SYNE1: variants seen among roughly 807,000 people sequenced by gnomAD.
SYNE1 encodes spectrin repeat containing nuclear envelope protein 1.
Under a neutral mutation model 1,111.0 loss-of-function variants are expected in SYNE1, and 616 were observed. The ratio of observed to expected loss-of-function variants is 0.55; its 90% confidence interval spans 0.52 to 0.59. The LOEUF (loss-of-function observed/expected upper bound fraction) is 0.59. SYNE1 is among the 20% of genes least tolerant of loss of function. SYNE1 has a pLI of 0.00. For missense variants in SYNE1, 10,006 were observed against 10,417.0 expected (o/e 0.96, Z 1.72); for synonymous variants, 3,855 against 3,825.8 (o/e 1.01, Z -0.28).
chr6:152,328,559 C>A (rs1298616733), intron 78 of SYNE1, among the ~76,000 whole-genome samples: 1 of 150,424 alleles, frequency 6.6e-6, no homozygotes, highest in Non-Finnish European at 1.5e-5. Context: ...GTATGCACCA[C>A]CAAACCCAGC....
intron 97 of SYNE1, among the ~76,000 whole-genome samples, chr6:152,279,579 G>A (rs967093880): frequency 4.0e-5 from 6 of 151,832 alleles, no homozygotes; most frequent in Admixed American, 2.0e-4. Context: ...TAAGCCAGGC[G>A]TGGTGGCACG....
chr6:152,371,900 AAGGAAAGGAAAGGAAAGGAAAGGAC>A (rs1415622535), intron 59 of SYNE1, among the ~76,000 whole-genome samples: 2,190 of 90,194 alleles, frequency 0.024, 123 homozygotes, highest in Middle Eastern at 0.038. Context: ...AAGGAAAGGA[AAGGAAAGGAAAGGAAAGGAAAGGAC>A]AGGACAGGAC....
intron 142 of SYNE1, 80 bp downstream of exon 142, chr6:152,135,024 A>C (rs1349308606): frequency 6.3e-7 from 1 of 1,592,770 alleles, no homozygotes; most frequent in Non-Finnish European, 8.6e-7. Flanking sequence ...AACAACACTT[A>C]CCACTTATAT....
At chr6:152,240,509 T>G (rs1285043484) in intron 107 of SYNE1, among the ~76,000 whole-genome samples, 2 of 152,214 alleles carry the variant, frequency 1.3e-5, no homozygotes, top group Non-Finnish European at 2.9e-5. Flanking sequence ...ACTAATGTTT[T>G]TGAAATGTTA....
chr6:152,151,778 T>G, intron 134 of SYNE1, 88 bp from the exon 135 acceptor site: 2 of 1,548,556 alleles, frequency 1.3e-6, no homozygotes, highest in Non-Finnish European at 1.8e-6. Context: ...TCCAGTGTTC[T>G]GTAAAGTCAT....
intron 127 of SYNE1, among the ~76,000 whole-genome samples, chr6:152,196,792 C>G (rs907329673): frequency 5.9e-5 from 9 of 152,024 alleles, no homozygotes; most frequent in African/African-American, 2.4e-5. Flanking sequence ...TGGTGTGTCA[C>G]CGGGTCATGT....
chr6:152,318,138 A>C lies in SYNE1; in HGVS notation c.16515T>G (p.Thr5505=), dbSNP rs759561717. The C allele has an allele frequency of 6.2e-7, 1 of 1,614,208 alleles. No homozygotes were observed. The highest frequency in any genetic ancestry group is 1.1e-5 in the South Asian group (1 of 91,082). The change falls in exon 86 of 146, where the codon ACT becomes ACG. Residue 5505 remains threonine (T), a synonymous_variant. Coordinates refer to ENST00000367255, the MANE Select transcript of SYNE1 (RefSeq NM_182961.4). ...GTCTAATGGTCTGCTGGTGAAGTTC[A>C]GTCAGTTTTCCTATCTTCTTGGCCA... ...KPLAKKIGKL[T]ELHQQTIRQA...
intron 3 of SYNE1, among the ~76,000 whole-genome samples, chr6:152,596,531 C>G (rs1280031179): frequency 6.6e-6 from 1 of 152,156 alleles, no homozygotes; most frequent in East Asian, 1.9e-4. Flanking sequence ...GCTGGGATTA[C>G]AGGAGTGAGC....
At chr6:152,421,671 T>TTTTATTTATTTA (rs377235444) in intron 39 of SYNE1, among the ~76,000 whole-genome samples, 10 of 145,336 alleles carry the variant, frequency 6.9e-5, no homozygotes, top group Admixed American at 1.4e-4. Context: ...ATTTTCCTTA[T>TTTTATTTATTTA]TTTATTTATT....
intron 135 of SYNE1, among the ~76,000 whole-genome samples, chr6:152,150,225 C>T (rs748319790): frequency 6.6e-6 from 1 of 152,168 alleles, no homozygotes; most frequent in Non-Finnish European, 1.5e-5. Flanking sequence ...ATTATTTAGA[C>T]TCATTCTATG....
In SYNE1 at chr6:152,178,042, T is replaced by TA. The variant is rs1218141083; in HGVS notation, c.23461-1483dup. On this transcript the variant is annotated intron_variant, in intron 129 of 145. Transcript: ENST00000367255. The stretch of plus-strand genomic sequence containing the variant: ...CAAAGAGGAAAACTCAAAAGCCCTT[T>TA]AAAAAAAAACCCATGAGTTATTAAT... 1.7e-4 allele frequency among the ~76,000 whole-genome samples: 25 copies of TA among 151,198 alleles called. No homozygotes were observed. The East Asian group carries it at 1.9e-3, about 12-fold the overall frequency.
At chr6:152,254,410 C>T (rs984867685) in intron 104 of SYNE1, among the ~76,000 whole-genome samples, 23 of 151,814 alleles carry the variant, frequency 1.5e-4, no homozygotes, top group Admixed American at 1.4e-3. Flanking sequence ...ACCACCACAC[C>T]CTGCTAATTT....
At chr6:152,481,961 G>A (rs1045050986) in intron 14 of SYNE1, among the ~76,000 whole-genome samples, 21 of 152,034 alleles carry the variant, frequency 1.4e-4, no homozygotes, top group Admixed American at 1.2e-3. Flanking sequence ...CAGTGTGTGT[G>A]TTTGTCTGCG....
Position 152,318,032 on chromosome 6 carries a change from T to C in SYNE1, c.16572+49A>G. On this transcript the variant is annotated intron_variant, in intron 86 of 145. Coordinates refer to ENST00000367255, the MANE Select transcript of SYNE1 (RefSeq NM_182961.4). ...ATTTTCAAAAGAGAAAAGCAGAACA[T>C]GGAAGTTTCTGCCTTACACGATTTG... The C allele has an allele frequency of 4.4e-6, 7 of 1,606,988 alleles. 1 individual carries two copies. In the South Asian group the frequency reaches 5.5e-5, roughly 13 times the overall value.
chr6:152,551,300 G>A (rs577078500), intron 3 of SYNE1, among the ~76,000 whole-genome samples: 17 of 152,278 alleles, frequency 1.1e-4, no homozygotes, highest in African/African-American at 4.1e-4. Context: ...AATAGTGGGG[G>A]TGAGGAAATA....
At chr6:152,464,333 T>C (rs1380397960) in intron 18 of SYNE1, among the ~76,000 whole-genome samples, 2 of 152,194 alleles carry the variant, frequency 1.3e-5, no homozygotes, top group African/African-American at 4.8e-5. Context: ...AGGACTTTCC[T>C]ACATATATAA....
chr6:152,270,802 G>A (rs1465463734), intron 98 of SYNE1, among the ~76,000 whole-genome samples: 1 of 152,172 alleles, frequency 6.6e-6, no homozygotes, highest in Non-Finnish European at 1.5e-5. Flanking sequence ...AAGTTTTAGG[G>A]AGGCCTAAGG....
chr6:152,172,061 C>T (rs1014749048), intron 130 of SYNE1, among the ~76,000 whole-genome samples: 3 of 152,038 alleles, frequency 2.0e-5, no homozygotes, highest in African/African-American at 7.2e-5. Flanking sequence ...TTAAAAACAA[C>T]CAGTCACAAA....
chr6:152,334,318 G>A (rs1407543186), intron 76 of SYNE1, 45 bp from the exon 77 acceptor site: 27 of 1,604,272 alleles, frequency 1.7e-5, no homozygotes, highest in Non-Finnish European at 2.2e-5. Context: ...GTTAAGAAAT[G>A]CCCAAATAAA....
Sources: allele counts gnomAD v4.1 joint callset (sites outside exome capture counted in the v4.1 genomes callset), GRCh38; gene constraint gnomAD v4.1.1; transcripts MANE v1.5; gene names NCBI Gene and HGNC (gene_info 2026-07-23, HGNC 2026-07-21).